The following CHCHD6 variants were observed in gnomAD, a reference collection of about 807,000 sequenced individuals.
CHCHD6 encodes the protein coiled-coil-helix-coiled-coil-helix domain containing 6.
A neutral mutation model predicts 32.3 loss-of-function variants in CHCHD6; 28 were observed. The observed-to-expected ratio is 0.87, with a 90% CI of 0.64 to 1.19. CHCHD6 has a LOEUF of 1.19. Among genes scored for constraint, CHCHD6 ranks in the 50% most tolerant of loss-of-function variants. The pLI is 0.00. For missense variants in CHCHD6, 333 were observed against 307.0 expected, an observed-to-expected ratio of 1.08 and a Z score of -0.63; for synonymous variants, 122 against 117.5, an observed-to-expected ratio of 1.04 and a Z score of -0.25.
At chr3:126,958,623 C>T (rs896365443) in intron 7 of CHCHD6, among the ~76,000 whole-genome samples, 2 of 152,220 alleles carry the variant, frequency 1.3e-5, no homozygotes, top group Non-Finnish European at 2.9e-5. Context: ...TTGCTGGTCA[C>T]AGCCCCGTCC....
At chr3:126,790,775 C>G (rs953800273) in intron 4 of CHCHD6, among the ~76,000 whole-genome samples, 1 of 152,160 alleles carries the variant, frequency 6.6e-6, no homozygotes, top group African/African-American at 2.4e-5. Flanking sequence ...CAAACTTCCT[C>G]CTTTAGCTCA....
intron 4 of CHCHD6, among the ~76,000 whole-genome samples, chr3:126,790,272 C>CG (rs1553736614): frequency 6.6e-6 from 1 of 151,980 alleles, no homozygotes; most frequent in African/African-American, 2.4e-5. Flanking sequence ...TCATTCATTT[C>CG]ACTTTGGTGA....
rs1488485398 is a variant in CHCHD6 at position 126,957,570 on chromosome 3, C to T, written c.702+19C>T. The T allele has an allele frequency of 6.4e-7, 1 of 1,554,522 alleles. No homozygotes were observed. The highest frequency in any genetic ancestry group is 8.7e-7 in the Non-Finnish European group (1 of 1,149,268). ...CCACAAGGTAAGGCCTTGCCTGCCTCCCAGGTTTCCAAGGGCCTTGGGAGG... is the reference window on the plus strand; with the variant it reads ...CCACAAGGTAAGGCCTTGCCTGCCTTCCAGGTTTCCAAGGGCCTTGGGAGG... On this transcript the variant is annotated intron_variant, in intron 7 of 7. Coordinates refer to ENST00000290913, the MANE Select transcript of CHCHD6 (RefSeq NM_032343.3).
intron 4 of CHCHD6, among the ~76,000 whole-genome samples, chr3:126,747,677 G>A (rs1448560985): frequency 6.6e-6 from 1 of 152,042 alleles, no homozygotes; most frequent in African/African-American, 2.4e-5. Context: ...CAATTCTCAT[G>A]GCCCATCAGG....
intron 6 of CHCHD6, among the ~76,000 whole-genome samples, chr3:126,940,915 C>T (rs1238806789): frequency 6.6e-6 from 1 of 152,060 alleles, no homozygotes; most frequent in Non-Finnish European, 1.5e-5. Flanking sequence ...TCATTTTTAA[C>T]AGGTCTTTGT....
rs1181333539 is a variant in CHCHD6 at position 126,733,100 on chromosome 3, A to G, written c.289A>G (p.Ile97Val). ...VKRYEQEHAA[I>V]QDKLFQVAKR... Reference sequence around the variant, plus strand: ...CAGGTATGAACAGGAGCATGCTGCTATCCAGGATAAGCTCTTCCAGGTGGC... The same window carrying G: ...CAGGTATGAACAGGAGCATGCTGCTGTCCAGGATAAGCTCTTCCAGGTGGC... The change falls in exon 4 of 8, where the codon ATC (isoleucine) becomes GTC (valine). Residue 97 changes from isoleucine to valine, a missense_variant. Physicochemically the swap from Ile to Val is conservative, Grantham distance 29. Transcript: ENST00000290913. The G allele has an allele frequency of 6.2e-7, 1 of 1,614,098 alleles. No individual in the cohort carries two copies. Among genetic ancestry groups the G allele is most frequent in the Non-Finnish European group, 8.5e-7 (1 of 1,180,042 alleles).
At chr3:126,944,817 C>T (rs2078611709) in intron 6 of CHCHD6, among the ~76,000 whole-genome samples, 1 of 152,314 alleles carries the variant, frequency 6.6e-6, no homozygotes, top group African/African-American at 2.4e-5. Context: ...GTGGCCCAGG[C>T]GTGGGGGCAG....
chr3:126,747,270 G>A lies in CHCHD6; in HGVS notation c.411+14048G>A, dbSNP rs150125823. 4.3e-4 allele frequency among the ~76,000 whole-genome samples: 65 copies of A among 152,256 alleles called. No individual in the cohort carries two copies. The Middle Eastern group carries it at 0.01, about 24-fold the overall frequency. ...GGGTCTTGGTGTGCTCTTTGTAATT[G>A]CGTGTGACTTTGCAGTTATCCTAAG... is the stretch of plus-strand genomic sequence containing the variant. On this transcript the variant is annotated intron_variant, in intron 4 of 7. Coordinates refer to ENST00000290913, the MANE Select transcript of CHCHD6 (RefSeq NM_032343.3).
intron 5 of CHCHD6, among the ~76,000 whole-genome samples, chr3:126,875,463 C>T (rs2077528168): frequency 6.6e-6 from 1 of 152,238 alleles, no homozygotes; most frequent in Non-Finnish European, 1.5e-5. Flanking sequence ...TGCTCTCGTG[C>T]TACAGTGATG....
intron 4 of CHCHD6, among the ~76,000 whole-genome samples, chr3:126,737,602 A>C (rs1936105560): frequency 6.6e-6 from 1 of 152,088 alleles, no homozygotes. Flanking sequence ...GGACAGGAAG[A>C]CACTCGAGGA....
chr3:126,713,516 G>A (rs1934860386), intron 1 of CHCHD6, among the ~76,000 whole-genome samples: 1 of 152,230 alleles, frequency 6.6e-6, no homozygotes, highest in Admixed American at 6.5e-5. Flanking sequence ...CTTCATGCAT[G>A]TGTGCCTGTG....
chr3:126,870,714 G>A (rs2077456190), intron 5 of CHCHD6, among the ~76,000 whole-genome samples: 1 of 152,166 alleles, frequency 6.6e-6, no homozygotes, highest in Non-Finnish European at 1.5e-5. Flanking sequence ...ACTTCACTAT[G>A]CCTATTAATT....
At chr3:126,783,592 A>G (rs188758937) in intron 4 of CHCHD6, among the ~76,000 whole-genome samples, 1 of 152,398 alleles carries the variant, frequency 6.6e-6, no homozygotes, top group East Asian at 1.9e-4. Context: ...AAATTGCAGG[A>G]TGCAATATCA....
chr3:126,716,195 T>C (rs1248380824), intron 1 of CHCHD6, among the ~76,000 whole-genome samples: 1 of 152,226 alleles, frequency 6.6e-6, no homozygotes, highest in Admixed American at 6.5e-5. Flanking sequence ...TCCAAGGCTC[T>C]CAACAGGTGG....
chr3:126,914,898 C>G, intron 6 of CHCHD6, 148 bp downstream of exon 6: 1 of 648,280 alleles, frequency 1.5e-6, no homozygotes, highest in Non-Finnish European at 2.8e-6. Context: ...TCACCTGGAT[C>G]TGAGGTAGCC....
chr3:126,736,501 C>T (rs1936049284), intron 4 of CHCHD6, among the ~76,000 whole-genome samples: 1 of 152,226 alleles, frequency 6.6e-6, no homozygotes, highest in Non-Finnish European at 1.5e-5. Context: ...TGTGCTCTTC[C>T]ACCCTGTTCA....
At chr3:126,786,680 T>A (rs1363681906) in intron 4 of CHCHD6, among the ~76,000 whole-genome samples, 2 of 152,242 alleles carry the variant, frequency 1.3e-5, no homozygotes, top group Non-Finnish European at 2.9e-5. Flanking sequence ...GGGTTGTTTT[T>A]TTCTTGTAAA....
At chr3:126,755,346 T>G (rs1285028038) in intron 4 of CHCHD6, among the ~76,000 whole-genome samples, 2 of 152,148 alleles carry the variant, frequency 1.3e-5, no homozygotes, top group Non-Finnish European at 2.9e-5. Flanking sequence ...TGAGGCTAGG[T>G]GGCCTGTCCA....
intron 5 of CHCHD6, among the ~76,000 whole-genome samples, chr3:126,881,984 C>T (rs983111846): frequency 6.6e-6 from 1 of 152,158 alleles, no homozygotes; most frequent in Non-Finnish European, 1.5e-5. Flanking sequence ...GTTCCTTTCA[C>T]GTCCTGGATT....
Sources: allele counts gnomAD v4.1 joint callset (sites outside exome capture counted in the v4.1 genomes callset), GRCh38; gene constraint gnomAD v4.1.1; transcripts MANE v1.5; gene names NCBI Gene and HGNC (gene_info 2026-07-23, HGNC 2026-07-21).